Variants in JADE2 observed in about 807,000 individuals in gnomAD.
The protein encoded by JADE2 is jade family PHD finger 2.
A neutral mutation model predicts 85.7 loss-of-function variants in JADE2; 13 were observed. The ratio of observed to expected loss-of-function variants is 0.15; its 90% CI spans 0.10 to 0.24. JADE2 has a LOEUF of 0.24. Ranked by LOEUF, JADE2 falls within the 10% of genes least tolerant of loss-of-function variation. JADE2 has a pLI of 1.00. For missense variants in JADE2, 846 were observed against 1,115.9 expected, an observed-to-expected ratio of 0.76 and a Z score of 3.45; for synonymous variants, 440 against 456.1, an observed-to-expected ratio of 0.96 and a Z score of 0.45.
At chr5:134,577,758 C>G (rs774928856) in intron 11 of JADE2, among the ~76,000 whole-genome samples, 1 of 152,158 alleles carries the variant, frequency 6.6e-6, no homozygotes, top group Non-Finnish European at 1.5e-5. Flanking sequence ...CCCAGTCTCC[C>G]GTCTCGCCAG....
At chr5:134,533,009 A>T (rs1036052715) in intron 1 of JADE2, among the ~76,000 whole-genome samples, 1 of 152,288 alleles carries the variant, frequency 6.6e-6, no homozygotes, top group South Asian at 2.1e-4. Context: ...GACCCAGAAT[A>T]ATCCCTAGGC....
chr5:134,525,984 G>C lies in JADE2; in HGVS notation c.-28G>C. ...GCAGCGGCGCGTAGCCGAGGGCAGC[G>C]CCCGTCAGGGGGGCACCGCGGAGCA... On this transcript the variant is annotated 5_prime_UTR_variant, in exon 1 of 12. Transcript: ENST00000681547. 1.0e-6 allele frequency: 1 copy of C among 985,554 alleles called. No individual in the cohort carries two copies. Among genetic ancestry groups the C allele is most frequent in the Non-Finnish European group, 1.2e-6 (1 of 830,116 alleles). The allele number at this position is 985,554 out of a possible 1,614,324, so 61.1% of individuals were successfully genotyped here.
chr5:134,579,601 G>A lies in JADE2; in HGVS notation c.*284G>A, dbSNP rs1234371611. 2 of 395,320 alleles carry A rather than the reference G, an allele frequency of 5.1e-6. No homozygotes were observed. Among genetic ancestry groups the A allele is most frequent in the Non-Finnish European group, 9.2e-6 (2 of 218,570 alleles). 24.5% of individuals were successfully genotyped at this position (395,320 alleles called of 1,614,324 possible). A position where few individuals can be genotyped will look rare whatever the true frequency, so the allele number is the denominator to read the frequency against. The stretch of plus-strand genomic sequence containing the variant: ...CCCACGTGGTATTGCTGGGCTCCTG[G>A]CTAGATGCAAGCAAGGTGGACAAGA... On this transcript the variant is annotated 3_prime_UTR_variant, in exon 12 of 12. Transcript: ENST00000681547. The surrounding 1 kb of genome is among the most constrained non-coding windows in gnomAD (Gnocchi z 4.6).
chr5:134,524,792 C>T (rs537972107), upstream of JADE2, among the ~76,000 whole-genome samples: 2 of 152,360 alleles, frequency 1.3e-5, no homozygotes, highest in South Asian at 2.1e-4. Context: ...TCAAGTTCCC[C>T]CGCCCGGAAT....
chr5:134,526,371 A>G, intron 1 of JADE2: 1 of 984,696 alleles, frequency 1.0e-6, no homozygotes, highest in Non-Finnish European at 1.2e-6. Context: ...GGGGCGCGCC[A>G]GGGCTGCAAC....
chr5:134,556,746 C>T (rs201968754), intron 4 of JADE2, among the ~76,000 whole-genome samples: 4,585 of 130,588 alleles, frequency 0.035, 250 homozygotes, highest in South Asian at 0.2. Flanking sequence ...ACACACCCCA[C>T]ACATACCACA....
rs1160758941 is a variant in JADE2, at chr5:134,531,883, CTTTTTTTTTT to C, written c.1-3954_1-3945del. ...TATAAGGATGAGCCACCGTGCCTGG[CTTTTTTTTTT>C]TTTTTTTTTTTTTTTTTTTTGAGAC... On this transcript the variant is annotated intron_variant, in intron 1 of 11. Coordinates refer to ENST00000681547, the MANE Select transcript of JADE2 (RefSeq NM_001388185.1). Among the ~76,000 whole-genome samples, 37 of 38,480 alleles carry C rather than the reference CTTTTTTTTTT, an allele frequency of 9.6e-4. 1 individual carries two copies. Among genetic ancestry groups the C allele is most frequent in the Middle Eastern group, 0.021 (1 of 48 alleles). The allele number at this position is 38,480 out of a possible 152,430, so 25.2% of individuals were successfully genotyped here.
At chr5:134,565,335 T>C (rs528074157) in intron 8 of JADE2, among the ~76,000 whole-genome samples, 1 of 152,292 alleles carries the variant, frequency 6.6e-6, no homozygotes, top group Non-Finnish European at 1.5e-5. Context: ...AATAGTTGGG[T>C]GCGTGATTGC....
intron 4 of JADE2, among the ~76,000 whole-genome samples, chr5:134,552,413 T>C (rs926136085): frequency 1.3e-5 from 2 of 152,242 alleles, no homozygotes; most frequent in South Asian, 2.1e-4. Flanking sequence ...GGCTCGGGCT[T>C]GGCTATAGAG....
chr5:134,575,046 C>G (rs190152485), intron 10 of JADE2: 1 of 152,278 alleles, frequency 6.6e-6, no homozygotes, highest in African/African-American at 2.4e-5. Flanking sequence ...TGGCAAGCCA[C>G]GAGCAGTGCC....
At chr5:134,529,819 G>C (rs1761112189) in intron 1 of JADE2, among the ~76,000 whole-genome samples, 1 of 152,238 alleles carries the variant, frequency 6.6e-6, no homozygotes, top group Non-Finnish European at 1.5e-5. Context: ...GCAAAGAGTA[G>C]GGTGAGAAGG....
intron 1 of JADE2, among the ~76,000 whole-genome samples, chr5:134,526,936 C>T (rs1431014819): frequency 6.6e-6 from 1 of 152,060 alleles, no homozygotes; most frequent in Non-Finnish European, 1.5e-5. Context: ...GGGGGCGTGG[C>T]CCTTGTTTAC....
At chr5:134,535,050 G>T (rs1205467497) in intron 1 of JADE2, among the ~76,000 whole-genome samples, 1 of 152,218 alleles carries the variant, frequency 6.6e-6, no homozygotes, top group Non-Finnish European at 1.5e-5. Flanking sequence ...GCAGGACAAG[G>T]TGCTGGCCTC....
intron 1 of JADE2, among the ~76,000 whole-genome samples, chr5:134,526,919 G>A (rs530393918): frequency 3.4e-4 from 52 of 152,238 alleles, no homozygotes; most frequent in Admixed American, 3.3e-3. Flanking sequence ...CCCGCGGGGC[G>A]ACGGCAGGGG....
chr5:134,544,659 A>C (rs2149906814), intron 3 of JADE2: 1 of 163,370 alleles, frequency 6.1e-6, no homozygotes, highest in South Asian at 2.1e-4. Context: ...ACAAATTAGT[A>C]CATCCCTAGT....
intron 3 of JADE2, among the ~76,000 whole-genome samples, chr5:134,551,207 T>TTTTTA (rs1410728612): frequency 2.6e-5 from 2 of 76,106 alleles, no homozygotes; most frequent in Non-Finnish European, 5.5e-5. Context: ...ATGGCAGTAT[T>TTTTTA]TTTTATTTTA....
In JADE2 at chr5:134,543,058, G is replaced by A. The variant is rs923589649; in HGVS notation, c.153+4975G>A. On this transcript the variant is annotated intron_variant, in intron 3 of 11. Transcript: ENST00000681547. ...TGTACTCTTTTTTTTTTTTTGAGACGGAGTCTCACCCTGTCGCCCAGGTTG... is the reference window on the plus strand; with the variant it reads ...TGTACTCTTTTTTTTTTTTTGAGACAGAGTCTCACCCTGTCGCCCAGGTTG... Among the ~76,000 whole-genome samples, 130 of 147,098 alleles carry A rather than the reference G, an allele frequency of 8.8e-4. 1 individual carries two copies. The highest frequency in any genetic ancestry group is 1.6e-3 in the Non-Finnish European group (107 of 67,116).
At chr5:134,576,154 G>A (rs980885192) in intron 10 of JADE2, among the ~76,000 whole-genome samples, 1 of 152,110 alleles carries the variant, frequency 6.6e-6, no homozygotes, top group Non-Finnish European at 1.5e-5. Flanking sequence ...AACTATGATT[G>A]TACTACTGCG....
intron 1 of JADE2, among the ~76,000 whole-genome samples, chr5:134,533,834 C>T (rs1174198730): frequency 6.6e-6 from 1 of 150,576 alleles, no homozygotes; most frequent in Admixed American, 6.6e-5. Context: ...GCAGCCTTGA[C>T]CTCCCTGACT....
Sources: allele counts gnomAD v4.1 joint callset (sites outside exome capture counted in the v4.1 genomes callset), GRCh38; gene constraint gnomAD v4.1.1; non-coding constraint Gnocchi (gnomAD v3.1); transcripts MANE v1.5; gene names NCBI Gene and HGNC (gene_info 2026-07-23, HGNC 2026-07-21).